The following NPAS2 variants were observed in gnomAD, a reference collection of about 807,000 sequenced individuals.
NPAS2 encodes neuronal PAS domain protein 2.
Under a neutral mutation model 107.5 loss-of-function variants are expected in NPAS2, and 23 were observed. That is an observed-to-expected ratio of 0.21 (90% CI 0.15 to 0.30). The LOEUF (loss-of-function observed/expected upper bound fraction) is 0.30, where lower values mean the gene tolerates loss of function less well. Among genes scored for constraint, NPAS2 ranks in the 10% least tolerant of loss-of-function variants. NPAS2 has a pLI of 1.00. For synonymous variants in NPAS2, 403 were observed against 417.5 expected (o/e 0.97, Z 0.42); for missense variants, 756 against 1,043.3 (o/e 0.72, Z 3.79).
At position 100,982,338 on chromosome 2, in the gene NPAS2, C is replaced by A. The variant is rs374070792; in HGVS notation, c.1590C>A (p.Ile530=). 2 of 1,614,060 alleles carry A rather than the reference C, an allele frequency of 1.2e-6. No homozygotes were observed. Among genetic ancestry groups the A allele is most frequent in the African/African-American group, 2.7e-5 (2 of 74,920 alleles). ...GGCAACAGGAAGAGCTCCACAAGAT[C>A]CAGGAGCAGCTCTGCCTGGTCCAGG... is the stretch of plus-strand genomic sequence containing the variant. ...IRWQQEELHK[I]QEQLCLVQDS... is the part of the protein sequence containing the mutation. Residue 530 remains isoleucine (I), a synonymous_variant, in exon 16 of 21, where the codon ATC becomes ATA. Transcript: ENST00000335681.
At chr2:100,838,635 C>T (rs544827674) in intron 1 of NPAS2, among the ~76,000 whole-genome samples, 7 of 152,154 alleles carry the variant, frequency 4.6e-5, no homozygotes, top group South Asian at 2.1e-4. Flanking sequence ...AGCAGGACAC[C>T]GGGGTCAGAA....
chr2:100,826,378 G>T (rs768607817), intron 1 of NPAS2, among the ~76,000 whole-genome samples: 10 of 152,150 alleles, frequency 6.6e-5, no homozygotes, highest in Non-Finnish European at 1.5e-4. Context: ...CGAGTCGGAG[G>T]TTGAAGTGAG....
intron 7 of NPAS2, among the ~76,000 whole-genome samples, chr2:100,953,109 C>T (rs981468830): frequency 7.4e-6 from 1 of 134,722 alleles, no homozygotes; most frequent in Admixed American, 7.0e-5. Context: ...GATGCAGTGG[C>T]TCACACCTGT....
chr2:100,938,032 A>C (rs898874681), intron 5 of NPAS2, among the ~76,000 whole-genome samples, 190 bp downstream of exon 5: 1 of 152,182 alleles, frequency 6.6e-6, no homozygotes, highest in Admixed American at 6.5e-5. Flanking sequence ...CTTCCAGGAA[A>C]AGGGCAGATG....
intron 1 of NPAS2, among the ~76,000 whole-genome samples, chr2:100,861,455 G>A (rs1282357779): frequency 1.2e-4 from 18 of 151,940 alleles, no homozygotes; most frequent in Admixed American, 1.2e-3. Context: ...GAGAACAGAG[G>A]TGTCCTTTTC....
chr2:100,851,629 T>G (rs1055567143), intron 1 of NPAS2, among the ~76,000 whole-genome samples: 4 of 152,156 alleles, frequency 2.6e-5, no homozygotes, highest in African/African-American at 9.7e-5. Context: ...ATGGAAAGTG[T>G]TGTTTCTCGA....
At chr2:100,922,481 G>A (rs1195256448) in intron 2 of NPAS2, among the ~76,000 whole-genome samples, 3 of 152,120 alleles carry the variant, frequency 2.0e-5, no homozygotes, top group Non-Finnish European at 2.9e-5. Flanking sequence ...TTCTTGGGAC[G>A]CTGAGGCAGG....
At chr2:100,981,185 G>T (rs112501910) in intron 15 of NPAS2, among the ~76,000 whole-genome samples, 2 of 152,172 alleles carry the variant, frequency 1.3e-5, no homozygotes, top group Non-Finnish European at 2.9e-5. Flanking sequence ...GTGTCTGGGA[G>T]GTCAAAGGGC....
chr2:100,856,823 G>T (rs72627420), intron 1 of NPAS2, among the ~76,000 whole-genome samples: 10,267 of 152,250 alleles, frequency 0.067, 723 homozygotes, highest in East Asian at 0.33. Flanking sequence ...AGGTGTCCAC[G>T]CTGCTTGCAC....
chr2:100,966,986 T>C (rs1281088593), intron 10 of NPAS2, among the ~76,000 whole-genome samples: 3 of 152,182 alleles, frequency 2.0e-5, no homozygotes, highest in East Asian at 1.9e-4. Context: ...TCATTAAAAC[T>C]GTAACTCCTT....
intron 2 of NPAS2, among the ~76,000 whole-genome samples, chr2:100,921,539 C>G (rs1425429507): frequency 6.6e-6 from 1 of 152,170 alleles, no homozygotes; most frequent in African/African-American, 2.4e-5. Context: ...CTCCCTTGGT[C>G]TCTCTCTTAC....
intron 1 of NPAS2, among the ~76,000 whole-genome samples, chr2:100,875,461 TACACACACACACACACACACACAC>T (rs56331462): frequency 1.4e-5 from 2 of 143,568 alleles, no homozygotes; most frequent in Non-Finnish European, 3.0e-5. Context: ...ATTAAAAGCT[TACACACACACACACACACACACAC>T]ACACACACAC....
At chr2:100,958,880 T>C (rs1228990654) in intron 7 of NPAS2, among the ~76,000 whole-genome samples, 2 of 152,116 alleles carry the variant, frequency 1.3e-5, no homozygotes, top group Non-Finnish European at 2.9e-5. Flanking sequence ...CTAAAAATAC[T>C]CATTTTAATT....
chr2:100,956,816 G>A (rs775056280), intron 7 of NPAS2, among the ~76,000 whole-genome samples: 5 of 152,180 alleles, frequency 3.3e-5, no homozygotes, highest in Non-Finnish European at 7.3e-5. Flanking sequence ...ATGGCTACCC[G>A]GGATTTGTCA....
chr2:100,843,755 G>T (rs1211953172), intron 1 of NPAS2, among the ~76,000 whole-genome samples: 1 of 152,026 alleles, frequency 6.6e-6, no homozygotes, highest in African/African-American at 2.4e-5. Flanking sequence ...GAGATCTAAA[G>T]GATCTCTTTA....
chr2:100,837,019 T>C (rs1192785124), intron 1 of NPAS2, among the ~76,000 whole-genome samples: 1 of 152,134 alleles, frequency 6.6e-6, no homozygotes, highest in African/African-American at 2.4e-5. Context: ...CACACTCACA[T>C]TGCTATTTCC....
chr2:100,909,097 G>A (rs931417497), intron 2 of NPAS2, among the ~76,000 whole-genome samples: 3 of 152,168 alleles, frequency 2.0e-5, no homozygotes, highest in South Asian at 2.1e-4. Flanking sequence ...TGGTCCCCCT[G>A]GGGTGGAGGA....
At chr2:100,850,953 CA>C (rs148858541) in intron 1 of NPAS2, among the ~76,000 whole-genome samples, 544 of 41,790 alleles carry the variant, frequency 0.013, 3 homozygotes, top group African/African-American at 0.049. Context: ...AACTCTGTCT[CA>C]AAAAAAAAAA....
intron 2 of NPAS2, among the ~76,000 whole-genome samples, chr2:100,921,950 C>T (rs536973552): frequency 2.0e-4 from 30 of 152,156 alleles, no homozygotes; most frequent in Non-Finnish European, 4.0e-4. Flanking sequence ...TATTCATACA[C>T]AGGAATGCTA....
Sources: allele counts gnomAD v4.1 joint callset (sites outside exome capture counted in the v4.1 genomes callset), GRCh38; gene constraint gnomAD v4.1.1; transcripts MANE v1.5; gene names NCBI Gene and HGNC (gene_info 2026-07-23, HGNC 2026-07-21).